Variants in ARHGAP6 observed in about 807,000 individuals in gnomAD.
The protein encoded by ARHGAP6 is rho GTPase-activating protein 6.
In ARHGAP6, 16 loss-of-function variants were observed where a neutral mutation model predicts 55.7. The observed-to-expected ratio is 0.29, with a 90% confidence interval of 0.19 to 0.44. ARHGAP6 has a LOEUF of 0.44. Among genes scored for constraint, ARHGAP6 ranks in the 20% least tolerant of loss-of-function variants. The pLI is 1.00. For synonymous variants in ARHGAP6, 382 were observed against 360.9 expected (o/e 1.06, Z -0.66); for missense variants, 698 against 808.9 (o/e 0.86, Z 1.66).
intron 1 of ARHGAP6, among the ~76,000 whole-genome samples, chrX:11,263,833 C>A (rs1217095125): frequency 1.8e-5 from 2 of 112,040 alleles, no homozygotes; most frequent in African/African-American, 3.2e-5. Flanking sequence ...ATTCCCCATG[C>A]CCCATTTTCC....
At chrX:11,171,446 C>T (rs1438351677) in intron 8 of ARHGAP6, among the ~76,000 whole-genome samples, 6 of 110,505 alleles carry the variant, frequency 5.4e-5, no homozygotes, top group Non-Finnish European at 1.1e-4. Flanking sequence ...CCTAGAATCC[C>T]ACTGCACGAA....
intron 1 of ARHGAP6, among the ~76,000 whole-genome samples, chrX:11,390,783 A>T (rs754522042): frequency 8.9e-6 from 1 of 112,352 alleles, no homozygotes; most frequent in South Asian, 3.7e-4. Flanking sequence ...CACACCAGTT[A>T]CAATGGCGAT....
At chrX:11,339,506 C>A (rs2048678043) in intron 1 of ARHGAP6, among the ~76,000 whole-genome samples, 2 of 110,989 alleles carry the variant, frequency 1.8e-5, no homozygotes, top group Admixed American at 9.6e-5. Context: ...TACAGGCTTG[C>A]ACTCACCATC....
intron 9 of ARHGAP6, among the ~76,000 whole-genome samples, chrX:11,167,684 A>G (rs1277867786): frequency 8.9e-6 from 1 of 111,834 alleles, no homozygotes; most frequent in African/African-American, 3.3e-5. Context: ...ATAAAGGAGA[A>G]CTTTGCTTAG....
chrX:11,546,604 C>T (rs984539035), intron 1 of ARHGAP6, among the ~76,000 whole-genome samples: 2 of 111,682 alleles, frequency 1.8e-5, no homozygotes, highest in African/African-American at 6.5e-5. Context: ...ATCACTCTTC[C>T]TATCTCAATA....
chrX:11,271,645 C>A (rs1034856510), intron 1 of ARHGAP6, among the ~76,000 whole-genome samples: 1 of 111,598 alleles, frequency 9.0e-6, no homozygotes, highest in African/African-American at 3.3e-5. Context: ...ATGAGCCTCT[C>A]GGTTTTACTG....
chrX:11,292,520 G>A (rs950878937), intron 1 of ARHGAP6, among the ~76,000 whole-genome samples: 2 of 111,527 alleles, frequency 1.8e-5, no homozygotes, highest in Non-Finnish European at 3.8e-5. Flanking sequence ...CTGAAAAATA[G>A]AGAGGAATTT....
At chrX:11,431,078 C>T (rs1399699222) in intron 1 of ARHGAP6, among the ~76,000 whole-genome samples, 1 of 112,611 alleles carries the variant, frequency 8.9e-6, no homozygotes. Context: ...GCACATAAAA[C>T]CTCACTTCAG....
chrX:11,358,160 T>C (rs140967002), intron 1 of ARHGAP6, among the ~76,000 whole-genome samples: 1 of 112,398 alleles, frequency 8.9e-6, no homozygotes, highest in Non-Finnish European at 1.9e-5. Context: ...TGGGTCTGGA[T>C]TCTTTACTTA....
intron 3 of ARHGAP6, among the ~76,000 whole-genome samples, chrX:11,195,945 C>A (rs749338479): frequency 1.4e-3 from 105 of 73,718 alleles, no homozygotes; most frequent in Non-Finnish European, 2.3e-3. Flanking sequence ...GAAACCCTGT[C>A]TCTACTAAAA....
At chrX:11,360,217 A>G (rs1329312348) in intron 1 of ARHGAP6, among the ~76,000 whole-genome samples, 2 of 112,114 alleles carry the variant, frequency 1.8e-5, no homozygotes, top group East Asian at 5.5e-4. Flanking sequence ...AGAGAATTTT[A>G]GACCAATATC....
intron 1 of ARHGAP6, among the ~76,000 whole-genome samples, chrX:11,637,503 G>A (rs1334203980): frequency 2.7e-5 from 3 of 110,913 alleles, no homozygotes; most frequent in Non-Finnish European, 3.8e-5. Flanking sequence ...CTCTAATAAC[G>A]TATGAAAAGA....
Position 11,144,259 on chromosome X carries a change from G to A in ARHGAP6, c.1908-11C>T. ...AGCATGTCAGGGCTTCTGGCACAAT[G>A]AGACAATTACAGGTGCGTGAGTTTG... is the stretch of plus-strand genomic sequence containing the variant. On this transcript the variant is annotated splice_polypyrimidine_tract_variant and intron_variant, in intron 10 of 12. Coordinates refer to ENST00000337414, the MANE Select transcript of ARHGAP6 (RefSeq NM_013427.3). The A allele has an allele frequency of 4.1e-6, 5 of 1,210,768 alleles. No homozygotes were observed. The highest frequency in any genetic ancestry group is 5.6e-6 in the Non-Finnish European group (5 of 895,399).
chrX:11,196,135 A>AAAAACAAAACAAAAC (rs572396714), intron 3 of ARHGAP6, among the ~76,000 whole-genome samples: 1,935 of 100,665 alleles, frequency 0.019, 79 homozygotes, highest in African/African-American at 0.069. Flanking sequence ...CTCTGTCTCA[A>AAAAACAAAACAAAAC]AAAACAAAAC....
At chrX:11,207,623 T>C (rs1211511578) in intron 2 of ARHGAP6, among the ~76,000 whole-genome samples, 1 of 112,082 alleles carries the variant, frequency 8.9e-6, no homozygotes, top group Non-Finnish European at 1.9e-5. Flanking sequence ...GGAAATGTAA[T>C]TGAACTAAAA....
intron 4 of ARHGAP6, 104 bp from the exon 5 acceptor site, chrX:11,186,535 C>T: frequency 2.0e-6 from 1 of 509,102 alleles, no homozygotes; most frequent in East Asian, 3.4e-5. Flanking sequence ...CTCTTTATCA[C>T]ACTTGAAATA....
intron 2 of ARHGAP6, among the ~76,000 whole-genome samples, chrX:11,244,637 T>G (rs1489972996): frequency 1.8e-5 from 2 of 112,516 alleles, no homozygotes; most frequent in Middle Eastern, 4.6e-3. Flanking sequence ...GGCAAAATGT[T>G]CATGTTTGAA....
At chrX:11,564,816 C>T (rs186721082) in intron 1 of ARHGAP6, among the ~76,000 whole-genome samples, 2 of 111,818 alleles carry the variant, frequency 1.8e-5, no homozygotes, top group Non-Finnish European at 3.8e-5. Flanking sequence ...CCACTAAAAA[C>T]AATCCCAAAA....
intron 1 of ARHGAP6, among the ~76,000 whole-genome samples, chrX:11,521,031 T>G (rs778384029): frequency 2.3e-4 from 26 of 111,965 alleles, no homozygotes; most frequent in African/African-American, 8.4e-4. Flanking sequence ...TAAATTTGTT[T>G]GAGTTCTTTG....
Sources: allele counts gnomAD v4.1 joint callset (sites outside exome capture counted in the v4.1 genomes callset), GRCh38; gene constraint gnomAD v4.1.1; transcripts MANE v1.5; gene names NCBI Gene and HGNC (gene_info 2026-07-23, HGNC 2026-07-21).